The following CDH13 variants were observed in gnomAD, a reference collection of about 807,000 sequenced individuals.
The protein encoded by CDH13 is cadherin 13, also known as cadherin-13.
In CDH13, 24 loss-of-function variants were observed where a neutral mutation model predicts 63.8. That is an observed-to-expected ratio of 0.38 (90% CI 0.27 to 0.53). The LOEUF (loss-of-function observed/expected upper bound fraction) is 0.53, where lower values mean the gene tolerates loss of function less well. CDH13 is among the 20% of genes least tolerant of loss of function. CDH13 has a pLI of 0.85. For missense variants in CDH13, 1,049 were observed against 903.1 expected, an observed-to-expected ratio of 1.16 and a Z score of -2.07; for synonymous variants, 503 against 355.3, an observed-to-expected ratio of 1.42 and a Z score of -4.67.
chr16:83,672,409 C>CTTTTTT (rs34156503), intron 9 of CDH13, among the ~76,000 whole-genome samples: 1,140 of 35,158 alleles, frequency 0.032, 338 homozygotes, highest in Non-Finnish European at 0.043. Context: ...TCTGGATTCT[C>CTTTTTT]TTTTTTTTTT....
intron 3 of CDH13, among the ~76,000 whole-genome samples, chr16:83,115,400 C>T (rs747132467): frequency 6.6e-6 from 1 of 152,212 alleles, no homozygotes; most frequent in Non-Finnish European, 1.5e-5. Flanking sequence ...GAATCCAGGA[C>T]TAGGATCCCA....
intron 5 of CDH13, among the ~76,000 whole-genome samples, chr16:83,282,492 G>C (rs544964664): frequency 6.6e-6 from 1 of 152,148 alleles, no homozygotes; most frequent in South Asian, 2.1e-4. Flanking sequence ...TAGTAAGCAA[G>C]GCTCCAACCC....
Position 83,249,870 on chromosome 16 carries a change from T to G in CDH13, c.636+32373T>G, listed in dbSNP as rs186156395. Reference sequence around the variant, plus strand: ...CATAAGACAGGCCCAGTTTTCTGTTTGGATGATAGCTTCTCATGATGGTCC... The same window carrying G: ...CATAAGACAGGCCCAGTTTTCTGTTGGGATGATAGCTTCTCATGATGGTCC... On this transcript the variant is annotated intron_variant, in intron 5 of 13. Coordinates refer to ENST00000567109, the MANE Select transcript of CDH13 (RefSeq NM_001257.5). 3.9e-5 allele frequency among the ~76,000 whole-genome samples: 6 copies of G among 152,366 alleles called. No homozygotes were observed. In the East Asian group the frequency reaches 9.6e-4, roughly 24 times the overall value.
Position 82,739,308 on chromosome 16 carries a change from C to A in CDH13, c.45+112171C>A, listed in dbSNP as rs150586099. 2.4e-3 allele frequency among the ~76,000 whole-genome samples: 362 copies of A among 152,232 alleles called. 3 individuals carry two copies. Among genetic ancestry groups the A allele is most frequent in the African/African-American group, 8.4e-3 (347 of 41,538 alleles). On this transcript the variant is annotated intron_variant, in intron 1 of 13. Coordinates refer to ENST00000567109, the MANE Select transcript of CDH13 (RefSeq NM_001257.5). ...ACCACCTACTTTTAGATAAAGAAAT[C>A]ATCTTCTGCCAAGATGGGGCTAGAT...
At chr16:82,895,380 C>T (rs1262719831) in intron 2 of CDH13, among the ~76,000 whole-genome samples, 3 of 152,230 alleles carry the variant, frequency 2.0e-5, no homozygotes, top group Non-Finnish European at 1.5e-5. Flanking sequence ...TTGCCACCAT[C>T]CCCTCATCAT....
intron 4 of CDH13, among the ~76,000 whole-genome samples, chr16:83,159,194 A>G (rs181266858): frequency 3.4e-4 from 52 of 152,172 alleles, no homozygotes; most frequent in Admixed American, 2.9e-3. Flanking sequence ...CCCTGGGGGA[A>G]ACAAAAAAAA....
At chr16:82,986,023 G>A (rs550909316) in intron 2 of CDH13, among the ~76,000 whole-genome samples, 18 of 152,138 alleles carry the variant, frequency 1.2e-4, no homozygotes, top group Non-Finnish European at 2.2e-4. Context: ...AGAACCATGA[G>A]CCAATTACAC....
At chr16:83,705,546 C>T (rs1484035545) in intron 10 of CDH13, among the ~76,000 whole-genome samples, 3 of 152,042 alleles carry the variant, frequency 2.0e-5, no homozygotes, top group Non-Finnish European at 4.4e-5. Flanking sequence ...GGCGTGAACC[C>T]GGGAGGCGGA....
intron 6 of CDH13, among the ~76,000 whole-genome samples, chr16:83,453,606 T>C (rs199951253): frequency 2.6e-5 from 4 of 152,156 alleles, no homozygotes; most frequent in Non-Finnish European, 5.9e-5. Context: ...GGCTGGGGAA[T>C]TGAGTCTATC....
At chr16:83,759,617 A>G (rs192908587) in intron 11 of CDH13, among the ~76,000 whole-genome samples, 151 of 152,282 alleles carry the variant, frequency 9.9e-4, no homozygotes, top group Non-Finnish European at 1.8e-3. Context: ...AGAGTAGAAG[A>G]TATTTATAAT....
intron 5 of CDH13, among the ~76,000 whole-genome samples, chr16:83,332,924 T>A (rs1234203534): frequency 3.9e-5 from 6 of 152,220 alleles, no homozygotes; most frequent in Non-Finnish European, 8.8e-5. Flanking sequence ...ACAAAAATTT[T>A]AAAGTAAAAT....
At chr16:83,033,038 T>A (rs1261471680) in intron 3 of CDH13, among the ~76,000 whole-genome samples, 5 of 152,214 alleles carry the variant, frequency 3.3e-5, no homozygotes, top group Admixed American at 2.6e-4. Flanking sequence ...TATGTGTATA[T>A]GTTGTACATG....
At chr16:83,735,087 A>G (rs946775439) in intron 10 of CDH13, among the ~76,000 whole-genome samples, 2 of 151,960 alleles carry the variant, frequency 1.3e-5, no homozygotes, top group Non-Finnish European at 2.9e-5. Context: ...AAGTTTGTTT[A>G]TAAGTTTAAC....
intron 1 of CDH13, among the ~76,000 whole-genome samples, chr16:82,783,186 C>T (rs1003599851): frequency 2.6e-5 from 4 of 152,216 alleles, no homozygotes; most frequent in African/African-American, 9.6e-5. Flanking sequence ...GCAATCCATA[C>T]TCATAGCCAG....
intron 4 of CDH13, among the ~76,000 whole-genome samples, chr16:83,169,999 T>G (rs1294190586): frequency 6.6e-6 from 1 of 152,098 alleles, no homozygotes; most frequent in African/African-American, 2.4e-5. Flanking sequence ...CCCTTCAAAT[T>G]AATTTTCCTT....
intron 6 of CDH13, among the ~76,000 whole-genome samples, chr16:83,414,584 C>T (rs1004960760): frequency 6.6e-6 from 1 of 151,692 alleles, no homozygotes; most frequent in African/African-American, 2.4e-5. Context: ...TTTCCCTCCC[C>T]CTAGACCCTG....
chr16:83,242,852 C>G (rs1415018801), intron 5 of CDH13, among the ~76,000 whole-genome samples: 2 of 152,188 alleles, frequency 1.3e-5, no homozygotes, highest in African/African-American at 4.8e-5. Context: ...CTCACTTCCC[C>G]TGACTCAGCT....
intron 7 of CDH13, among the ~76,000 whole-genome samples, chr16:83,586,767 C>CG (rs1409966022): frequency 1.3e-5 from 2 of 152,068 alleles, no homozygotes; most frequent in Non-Finnish European, 2.9e-5. Context: ...CATAAAATCA[C>CG]GGGGGGAGCC....
At chr16:83,579,835 G>A (rs531561839) in intron 7 of CDH13, among the ~76,000 whole-genome samples, 2 of 151,962 alleles carry the variant, frequency 1.3e-5, no homozygotes, top group African/African-American at 4.8e-5. Flanking sequence ...CAGTGTGGGG[G>A]CAGAAAACTG....
Sources: allele counts gnomAD v4.1 joint callset (sites outside exome capture counted in the v4.1 genomes callset), GRCh38; gene constraint gnomAD v4.1.1; transcripts MANE v1.5; gene names NCBI Gene and HGNC (gene_info 2026-07-23, HGNC 2026-07-21).